The following API5 variants were observed in gnomAD, a reference collection of about 807,000 sequenced individuals.
The protein encoded by API5 is FIF.
Under a neutral mutation model 71.9 loss-of-function variants are expected in API5, and 6 were observed. The observed-to-expected ratio is 0.08, with a 90% CI of 0.05 to 0.16. The LOEUF (loss-of-function observed/expected upper bound fraction) is 0.16. API5 is among the 10% of genes least tolerant of loss of function. API5 has a pLI of 1.00. For synonymous variants in API5, 189 were observed against 221.3 expected (o/e 0.85, Z 1.30); for missense variants, 332 against 612.8 (o/e 0.54, Z 4.84).
At chr11:43,341,266 AAGTC>A (rs1352095626) in intron 13 of API5, among the ~76,000 whole-genome samples, 1 of 152,162 alleles carries the variant, frequency 6.6e-6, no homozygotes, top group African/African-American at 2.4e-5. Context: ...ATATGATTAA[AAGTC>A]AGACATTGGC....
chr11:43,321,281 G>A, intron 3 of API5, 130 bp from the exon 4 acceptor site: 1 of 777,838 alleles, frequency 1.3e-6, no homozygotes, highest in Non-Finnish European at 2.1e-6. Context: ...TGGTACTTGA[G>A]GGAATGGCTT....
intron 7 of API5, 67 bp from the exon 8 acceptor site, chr11:43,327,722 A>G (rs1453084293): frequency 9.0e-7 from 1 of 1,112,204 alleles, no homozygotes; most frequent in East Asian, 2.5e-5. Context: ...ATCGTTATCT[A>G]GAATTACTCT....
intron 1 of API5, among the ~76,000 whole-genome samples, chr11:43,313,255 C>T (rs1854551847): frequency 6.6e-6 from 1 of 152,236 alleles, no homozygotes; most frequent in East Asian, 1.9e-4. Flanking sequence ...ATGCTTGCCC[C>T]CGATACACAG....
chr11:43,313,251 G>C (rs962366912), intron 1 of API5, among the ~76,000 whole-genome samples: 1 of 152,162 alleles, frequency 6.6e-6, no homozygotes, highest in Non-Finnish European at 1.5e-5. Context: ...AACGATGCTT[G>C]CCCCCGATAC....
chr11:43,333,102 G>A (rs923783947), intron 11 of API5, among the ~76,000 whole-genome samples: 10 of 152,114 alleles, frequency 6.6e-5, no homozygotes, highest in Admixed American at 3.3e-4. Flanking sequence ...TTGGAGCTAT[G>A]AGCCAGGAAT....
At chr11:43,326,381 C>T in intron 6 of API5, 126 bp from the exon 7 acceptor site, 2 of 625,694 alleles carry the variant, frequency 3.2e-6, no homozygotes, top group Admixed American at 5.6e-5. Context: ...GGGGTGTGCA[C>T]TATATCGTAT....
intron 11 of API5, among the ~76,000 whole-genome samples, chr11:43,332,902 A>T (rs955611033): frequency 6.6e-6 from 1 of 152,164 alleles, no homozygotes; most frequent in African/African-American, 2.4e-5. Context: ...TCCTGTGGTT[A>T]TCTAGAGACT....
At chr11:43,318,206 A>C (rs1854742710) in intron 1 of API5, among the ~76,000 whole-genome samples, 2 of 150,978 alleles carry the variant, frequency 1.3e-5, no homozygotes. Context: ...ACGGGGTTTA[A>C]CCATGTTGGC....
chr11:43,318,907 A>G, intron 2 of API5, 106 bp downstream of exon 2: 2 of 1,187,048 alleles, frequency 1.7e-6, no homozygotes, highest in African/African-American at 1.5e-5. Flanking sequence ...ATAAAATACT[A>G]TGGTATGGTC....
chr11:43,340,957 C>T (rs769624037), intron 13 of API5, among the ~76,000 whole-genome samples: 4 of 152,114 alleles, frequency 2.6e-5, no homozygotes, highest in African/African-American at 4.8e-5. Context: ...AGCTTCTGTG[C>T]AGCAGAGGAA....
intron 5 of API5, among the ~76,000 whole-genome samples, chr11:43,322,676 A>G (rs938264393): frequency 1.3e-5 from 2 of 152,182 alleles, no homozygotes; most frequent in Non-Finnish European, 2.9e-5. Flanking sequence ...GGAATAGTTT[A>G]CTTTTTTAAT....
At chr11:43,323,279 G>A in intron 5 of API5, 151 bp from the exon 6 acceptor site, 1 of 705,630 alleles carries the variant, frequency 1.4e-6, no homozygotes, top group South Asian at 1.9e-5. Context: ...TCAATTGACT[G>A]AAGCTAGAAG....
chr11:43,326,825 A>G (rs973833970), intron 7 of API5, among the ~76,000 whole-genome samples: 1 of 152,208 alleles, frequency 6.6e-6, no homozygotes, highest in African/African-American at 2.4e-5. Flanking sequence ...CTGTAGTTTT[A>G]TTATAGTCAG....
At chr11:43,317,834 C>T (rs1199828639) in intron 1 of API5, among the ~76,000 whole-genome samples, 1 of 152,012 alleles carries the variant, frequency 6.6e-6, no homozygotes, top group Non-Finnish European at 1.5e-5. Context: ...TCTGCCACCA[C>T]ACCCAGTTAA....
At chr11:43,326,406 C>A (rs1047324777) in intron 6 of API5, 101 bp from the exon 7 acceptor site, 2 of 739,494 alleles carry the variant, frequency 2.7e-6, no homozygotes, top group Non-Finnish European at 4.6e-6. Context: ...AGTCAGAATA[C>A]TTGATGCTGT....
At chr11:43,317,773 G>A (rs1405790300) in intron 1 of API5, among the ~76,000 whole-genome samples, 2 of 152,164 alleles carry the variant, frequency 1.3e-5, no homozygotes, top group African/African-American at 4.8e-5. Flanking sequence ...TGCCTCCTGG[G>A]TTCAAGCGAT....
At position 43,329,958 on chromosome 11, in the gene API5, C is replaced by A; in HGVS notation, c.1128-7C>A. The A allele has an allele frequency of 6.2e-7, 1 of 1,612,062 alleles. No individual in the cohort carries two copies. ...AATTGCTAATTAACAAATACATTTT[C>A]ATTTAGGCTGCAGTACTTTGCACGG... On this transcript the variant is annotated splice_polypyrimidine_tract_variant and splice_region_variant and intron_variant, in intron 9 of 13. Transcript: ENST00000531273.
chr11:43,335,187 C>T, intron 11 of API5, 91 bp from the exon 12 acceptor site: 1 of 888,614 alleles, frequency 1.1e-6, no homozygotes, highest in Non-Finnish European at 1.9e-6. Flanking sequence ...TAAATTGAAT[C>T]TTTAAGATCT....
intron 3 of API5, 79 bp from the exon 4 acceptor site, chr11:43,321,332 G>A (rs1009106135): frequency 8.2e-7 from 1 of 1,217,298 alleles, no homozygotes; most frequent in Admixed American, 2.0e-5. Context: ...GAGAAACTAA[G>A]TTGAATCAAG....
Sources: allele counts gnomAD v4.1 joint callset (sites outside exome capture counted in the v4.1 genomes callset), GRCh38; gene constraint gnomAD v4.1.1; transcripts MANE v1.5; gene names NCBI Gene and HGNC (gene_info 2026-07-23, HGNC 2026-07-21).